The following MAF variants were observed in gnomAD, a reference collection of about 807,000 sequenced individuals.
MAF encodes MAF bZIP transcription factor, also known as transcription factor Maf.
In MAF, 10 loss-of-function variants were observed where a neutral mutation model predicts 22.0. The ratio of observed to expected loss-of-function variants is 0.45; its 90% CI spans 0.28 to 0.77. The LOEUF (loss-of-function observed/expected upper bound fraction) is 0.77, where lower values mean the gene tolerates loss of function less well. Ranked by LOEUF, MAF falls within the 30% of genes least tolerant of loss-of-function variation. The pLI is 0.12. For synonymous variants in MAF, 337 were observed against 255.8 expected (o/e 1.32, Z -3.03); for missense variants, 544 against 548.4 (o/e 0.99, Z 0.08).
chr16:79,374,655 G>C, the MAF span, among the ~76,000 whole-genome samples: 5 of 152,210 alleles, frequency 3.3e-5, no homozygotes, highest in African/African-American at 1.2e-4. Context: ...GTCTCCCAGG[G>C]GAGACAGGTG....
chr16:79,291,011 A>C, the MAF span, among the ~76,000 whole-genome samples: 1 of 152,270 alleles, frequency 6.6e-6, no homozygotes, highest in African/African-American at 2.4e-5. Flanking sequence ...GAAACACTAA[A>C]TGCCCCATTA....
the MAF span, among the ~76,000 whole-genome samples, chr16:79,547,922 G>GAGAGAGAGAGAGAT: frequency 1.5e-4 from 17 of 110,138 alleles, 1 homozygote; most frequent in East Asian, 1.4e-3. Context: ...GAGAGAGATA[G>GAGAGAGAGAGAGAT]AGAGAGAGAG....
the MAF span, among the ~76,000 whole-genome samples, chr16:79,363,658 G>C: frequency 2.0e-5 from 3 of 152,066 alleles, no homozygotes; most frequent in Non-Finnish European, 2.9e-5. Context: ...CAACGAAATT[G>C]GTACCAAAAT....
the MAF span, among the ~76,000 whole-genome samples, chr16:79,240,612 C>A: frequency 1.4e-5 from 2 of 147,846 alleles, no homozygotes; most frequent in South Asian, 2.2e-4. Flanking sequence ...TGGCTGTGGG[C>A]GCAGCTTCAG....
the MAF span, among the ~76,000 whole-genome samples, chr16:79,345,556 T>C: frequency 7.9e-5 from 12 of 151,612 alleles, no homozygotes; most frequent in Non-Finnish European, 1.6e-4. Context: ...AGTGAAACCC[T>C]GTCTCTACTA....
chr16:79,504,685 T>C, the MAF span, among the ~76,000 whole-genome samples: 1 of 152,068 alleles, frequency 6.6e-6, no homozygotes, highest in Non-Finnish European at 1.5e-5. Flanking sequence ...GATGGATGGA[T>C]GACGGATAGA....
At chr16:79,370,903 C>T in the MAF span, among the ~76,000 whole-genome samples, 9 of 152,112 alleles carry the variant, frequency 5.9e-5, no homozygotes, top group African/African-American at 2.2e-4. Context: ...CTGACGTCTT[C>T]TGTGGTTTCT....
chr16:79,266,549 G>A, the MAF span, among the ~76,000 whole-genome samples: 78 of 152,234 alleles, frequency 5.1e-4, no homozygotes, highest in Admixed American at 2.0e-3. Context: ...CTTGGACTGG[G>A]TTGTCTTTCT....
the MAF span, among the ~76,000 whole-genome samples, chr16:79,341,920 T>G: frequency 6.6e-6 from 1 of 152,308 alleles, no homozygotes; most frequent in South Asian, 2.1e-4. Flanking sequence ...TTTGTGCACT[T>G]AGCAGCCAGA....
chr16:79,565,186 T>A, the MAF span, among the ~76,000 whole-genome samples: 10 of 152,180 alleles, frequency 6.6e-5, no homozygotes, highest in East Asian at 3.9e-4. Context: ...ATCCTCTACG[T>A]TGCCTCTGCA....
chr16:79,260,914 A>G, the MAF span, among the ~76,000 whole-genome samples: 1 of 152,222 alleles, frequency 6.6e-6, no homozygotes, highest in Non-Finnish European at 1.5e-5. Flanking sequence ...TAGCACACCC[A>G]AGACAGATAC....
chr16:79,541,782 A>G, the MAF span, among the ~76,000 whole-genome samples: 1 of 148,628 alleles, frequency 6.7e-6, no homozygotes, highest in Middle Eastern at 3.4e-3. Context: ...CAGCGTCTTC[A>G]GTAGCTGGGA....
At chr16:79,583,060 T>G (rs74037380), downstream of MAF, among the ~76,000 whole-genome samples, 8,806 of 152,240 alleles carry the variant, frequency 0.058, 801 homozygotes, top group African/African-American at 0.2. Context: ...TTATGGCTTC[T>G]TTACTTTTAC....
the MAF span, among the ~76,000 whole-genome samples, chr16:79,241,989 T>C: frequency 1.3e-5 from 2 of 151,946 alleles, no homozygotes; most frequent in Non-Finnish European, 2.9e-5. Flanking sequence ...GACAAGCAAA[T>C]GCTGAGAGAT....
the MAF span, among the ~76,000 whole-genome samples, chr16:79,251,255 G>A: frequency 6.6e-6 from 1 of 150,902 alleles, no homozygotes; most frequent in Non-Finnish European, 1.5e-5. Context: ...AGGACTCATT[G>A]TTAACTGTTT....
At chr16:79,396,524 C>T in the MAF span, among the ~76,000 whole-genome samples, 2 of 152,234 alleles carry the variant, frequency 1.3e-5, no homozygotes, top group Admixed American at 1.3e-4. Flanking sequence ...AATAGGAAGG[C>T]ATTGTGTGGT....
At chr16:79,492,899 G>A in the MAF span, among the ~76,000 whole-genome samples, 1 of 152,128 alleles carries the variant, frequency 6.6e-6, no homozygotes, top group African/African-American at 2.4e-5. Flanking sequence ...CTATGAAGGG[G>A]GTCTGCAGAA....
At chr16:79,294,797 A>C in the MAF span, among the ~76,000 whole-genome samples, 1 of 152,220 alleles carries the variant, frequency 6.6e-6, no homozygotes, top group Admixed American at 6.5e-5. Flanking sequence ...AGCATTGAGC[A>C]ACCTCAACCG....
the MAF span, among the ~76,000 whole-genome samples, chr16:79,506,831 C>T: frequency 6.6e-6 from 1 of 152,008 alleles, no homozygotes; most frequent in African/African-American, 2.4e-5. Context: ...GGGGCCAGGT[C>T]AGAAAGAGCC....
Sources: allele counts gnomAD v4.1 joint callset (sites outside exome capture counted in the v4.1 genomes callset), GRCh38; gene constraint gnomAD v4.1.1; transcripts MANE v1.5; gene names NCBI Gene and HGNC (gene_info 2026-07-23, HGNC 2026-07-21).